The following ZFPM1 variants were observed in gnomAD, a reference collection of about 807,000 sequenced individuals.
ZFPM1 encodes zinc finger protein ZFPM1.
Under a neutral mutation model 46.3 loss-of-function variants are expected in ZFPM1, and 28 were observed. The ratio of observed to expected loss-of-function variants is 0.60; its 90% CI spans 0.45 to 0.83. The LOEUF is 0.83. ZFPM1 is among the 40% of genes least tolerant of loss of function. ZFPM1 has a pLI of 0.00. For synonymous variants in ZFPM1, 957 were observed against 675.9 expected, an observed-to-expected ratio of 1.42 and a Z score of -6.45; for missense variants, 1,878 against 1,432.4, an observed-to-expected ratio of 1.31 and a Z score of -5.02.
At chr16:88,528,784 A>G (rs1912551640) in intron 6 of ZFPM1, among the ~76,000 whole-genome samples, 1 of 152,088 alleles carries the variant, frequency 6.6e-6, no homozygotes, top group African/African-American at 2.4e-5. Context: ...GTTACCCAGG[A>G]TGGTCATAAA....
chr16:88,493,060 C>CA (rs1909678518), intron 3 of ZFPM1, among the ~76,000 whole-genome samples: 2 of 125,614 alleles, frequency 1.6e-5, no homozygotes, highest in African/African-American at 3.0e-5. Flanking sequence ...TCCCGGGGTG[C>CA]GGAGAGCTGT....
In ZFPM1 at chr16:88,515,394, C is replaced by T. The variant is rs1037594956; in HGVS notation, c.402+874C>T. Among the ~76,000 whole-genome samples the T allele has an allele frequency of 2.6e-5, 4 of 152,258 alleles. No individual in the cohort carries two copies. The South Asian group carries it at 6.2e-4, about 24-fold the overall frequency. ...TATGCCATTTCCTTGCTGTGCATCC[C>T]CAGGCAGGCCCCTGCCCACTGTGAG... On this transcript the variant is annotated intron_variant, in intron 4 of 9. Coordinates refer to ENST00000319555, the MANE Select transcript of ZFPM1 (RefSeq NM_153813.3).
At chr16:88,459,261 G>A (rs771236321) in intron 1 of ZFPM1, among the ~76,000 whole-genome samples, 2 of 152,120 alleles carry the variant, frequency 1.3e-5, no homozygotes, top group African/African-American at 4.8e-5. Flanking sequence ...GGTCAGTCCC[G>A]TCCCCACAGA....
At chr16:88,484,297 G>A (rs578150357) in intron 1 of ZFPM1, among the ~76,000 whole-genome samples, 17 of 152,190 alleles carry the variant, frequency 1.1e-4, no homozygotes, top group South Asian at 2.1e-4. Flanking sequence ...CGCAAACCCC[G>A]AACAGTTCTC....
chr16:88,531,940 C>T, intron 6 of ZFPM1, 62 bp from the exon 7 acceptor site: 2 of 1,498,752 alleles, frequency 1.3e-6, no homozygotes, highest in Admixed American at 2.0e-5. Context: ...CCTCCGCCCA[C>T]AGCCTTGCCC....
chr16:88,503,594 T>C (rs375622294), intron 3 of ZFPM1, among the ~76,000 whole-genome samples: 1 of 152,292 alleles, frequency 6.6e-6, no homozygotes, highest in African/African-American at 2.4e-5. Context: ...GCTGCCTCTC[T>C]GTGGAGCCAG....
At chr16:88,488,105 T>C (rs1909337836) in intron 2 of ZFPM1, among the ~76,000 whole-genome samples, 1 of 152,284 alleles carries the variant, frequency 6.6e-6, no homozygotes, top group East Asian at 1.9e-4. Context: ...GTGTAGCACA[T>C]GTGGACTCCG....
At chr16:88,529,219 C>T (rs768101353) in intron 6 of ZFPM1, among the ~76,000 whole-genome samples, 1 of 152,260 alleles carries the variant, frequency 6.6e-6, no homozygotes, top group Non-Finnish European at 1.5e-5. Context: ...ACGCAGGGAA[C>T]ACGCAGCAAG....
At position 88,533,765 on chromosome 16, in the gene ZFPM1, C is replaced by G. The variant is rs564442206; in HGVS notation, c.1807C>G (p.Arg603Gly). The G allele has an allele frequency of 6.3e-6, 9 of 1,424,570 alleles. No individual in the cohort carries two copies. The East Asian group carries it at 1.4e-4, about 22-fold the overall frequency. 88.2% of individuals were successfully genotyped at this position (1,424,570 alleles called of 1,614,324 possible). A position where few individuals can be genotyped will look rare whatever the true frequency, so the allele number is the denominator to read the frequency against. ...YVHKRLYCSGRRAPEDAPAAR... is the reference protein window; with the variant it reads ...YVHKRLYCSGGRAPEDAPAAR... ...GCACAAGCGCCTCTACTGTTCAGGC[C>G]GCCGTGCGCCCGAGGACGCGCCTGC... Residue 603 changes from arginine (R) to glycine (G), a missense_variant, in exon 10 of 10, where the codon CGC becomes GGC. Physicochemically the swap from Arg to Gly is moderately radical, Grantham distance 125 (BLOSUM62 -2). Transcript: ENST00000319555.
At chr16:88,490,067 T>C (rs1279599128) in intron 3 of ZFPM1, among the ~76,000 whole-genome samples, 3 of 151,450 alleles carry the variant, frequency 2.0e-5, no homozygotes, top group Non-Finnish European at 4.4e-5. Flanking sequence ...TTTTTTTTTT[T>C]TTTTGAGATG....
intron 3 of ZFPM1, among the ~76,000 whole-genome samples, chr16:88,503,446 A>T (rs1489000999): frequency 4.9e-5 from 6 of 122,784 alleles, no homozygotes; most frequent in Non-Finnish European, 9.9e-5. Flanking sequence ...GAGTGGAGGG[A>T]TCTGTGTCTG....
In ZFPM1 at chr16:88,533,834, C is replaced by T; in HGVS notation, c.1876C>T (p.Pro626Ser). Residue 626 changes from proline to serine, a missense_variant, in exon 10 of 10, where the codon CCC (proline) becomes TCC (serine). Physicochemically the swap from Pro to Ser is moderately conservative, Grantham distance 74. Coordinates refer to ENST00000319555, the MANE Select transcript of ZFPM1 (RefSeq NM_153813.3). Reference protein sequence around the residue: ...KAPPGPARAPPGQPAEPDAPR... With the variant: ...KAPPGPARAPSGQPAEPDAPR... ...GCCCCCCGGCCCGGCCCGCGCGCCC[C>T]CCGGCCAGCCCGCCGAACCCGACGC... 6.1e-6 allele frequency: 6 copies of T among 989,882 alleles called. No individual in the cohort carries two copies. The highest frequency in any genetic ancestry group is 6.3e-5 in the Admixed American group (1 of 15,882). The allele number at this position is 989,882 out of a possible 1,614,324, so 61.3% of individuals were successfully genotyped here.
chr16:88,475,593 C>T (rs146670919), intron 1 of ZFPM1, among the ~76,000 whole-genome samples: 2 of 152,104 alleles, frequency 1.3e-5, no homozygotes, highest in Non-Finnish European at 2.9e-5. Flanking sequence ...CAGGTCCTCT[C>T]TCCTGACTGT....
At chr16:88,484,764 C>T (rs1209980122) in intron 1 of ZFPM1, among the ~76,000 whole-genome samples, 3 of 152,192 alleles carry the variant, frequency 2.0e-5, no homozygotes, top group Non-Finnish European at 4.4e-5. Flanking sequence ...TGGACACCAT[C>T]ACCCATCACC....
chr16:88,465,148 A>G (rs917741699), intron 1 of ZFPM1, among the ~76,000 whole-genome samples: 1 of 152,194 alleles, frequency 6.6e-6, no homozygotes, highest in Non-Finnish European at 1.5e-5. Flanking sequence ...TCCGGCCTAC[A>G]CCGCAGCGGC....
intron 2 of ZFPM1, among the ~76,000 whole-genome samples, chr16:88,488,285 C>T (rs996576497): frequency 4.0e-5 from 6 of 151,330 alleles, no homozygotes; most frequent in Non-Finnish European, 8.8e-5. Flanking sequence ...GAGCCAGGGC[C>T]GCATGGGGGC....
intron 1 of ZFPM1, among the ~76,000 whole-genome samples, chr16:88,472,326 G>A (rs1288390997): frequency 6.6e-6 from 1 of 151,908 alleles, no homozygotes. Flanking sequence ...AGAGAGGGTG[G>A]CATTTCCTGC....
At chr16:88,493,658 T>C (rs1421579485) in intron 3 of ZFPM1, among the ~76,000 whole-genome samples, 1 of 150,154 alleles carries the variant, frequency 6.7e-6, no homozygotes, top group African/African-American at 2.5e-5. Context: ...TGTCCCGGGG[T>C]GCGGGGAGCT....
chr16:88,504,903 G>A (rs1251396116), intron 3 of ZFPM1, among the ~76,000 whole-genome samples: 1 of 152,112 alleles, frequency 6.6e-6, no homozygotes, highest in Non-Finnish European at 1.5e-5. Flanking sequence ...AGGCCACTGG[G>A]CCTGCAGGTG....
Sources: gnomAD v4.1 joint callset for allele counts (sites outside exome capture counted in the v4.1 genomes callset) on GRCh38, gnomAD v4.1.1 for gene constraint, MANE v1.5 for transcripts, NCBI Gene and HGNC (gene_info 2026-07-23, HGNC 2026-07-21) for gene names.